The following RABGAP1L variants were observed in gnomAD, a reference collection of about 807,000 sequenced individuals.
The protein encoded by RABGAP1L is RAB GTPase activating protein 1 like.
RABGAP1L carries 63 observed loss-of-function variants against 137.7 expected under a neutral mutation model. That is an observed-to-expected ratio of 0.46 (90% CI 0.37 to 0.56). RABGAP1L has a LOEUF of 0.56. RABGAP1L is among the 20% of genes least tolerant of loss of function. The pLI is 0.00. For synonymous variants in RABGAP1L, 431 were observed against 433.7 expected (o/e 0.99, Z 0.08); for missense variants, 1,095 against 1,244.0 (o/e 0.88, Z 1.80).
chr1:174,349,496 G>A (rs1158512176), intron 11 of RABGAP1L, among the ~76,000 whole-genome samples: 9 of 130,336 alleles, frequency 6.9e-5, no homozygotes, highest in Non-Finnish European at 1.3e-4. Context: ...GCGGCTGGCC[G>A]GGCAGAGGGG....
At chr1:174,356,239 A>G (rs561360506) in intron 11 of RABGAP1L, among the ~76,000 whole-genome samples, 3 of 152,046 alleles carry the variant, frequency 2.0e-5, no homozygotes, top group Non-Finnish European at 4.4e-5. Flanking sequence ...GTGTGGTTAG[A>G]GGAAAGTTTA....
At chr1:174,858,784 G>A (rs1056099395) in intron 19 of RABGAP1L, among the ~76,000 whole-genome samples, 11 of 151,780 alleles carry the variant, frequency 7.2e-5, no homozygotes, top group South Asian at 4.1e-4. Context: ...TATTACTACA[G>A]GAAAACAAAA....
intron 13 of RABGAP1L, among the ~76,000 whole-genome samples, chr1:174,427,998 CT>C (rs1028328315): frequency 5.9e-5 from 9 of 152,100 alleles, no homozygotes; most frequent in African/African-American, 2.2e-4. Context: ...GCAGTACGGT[CT>C]TTTTGATCTT....
At chr1:174,383,517 G>T (rs902269338) in intron 12 of RABGAP1L, among the ~76,000 whole-genome samples, 4 of 152,108 alleles carry the variant, frequency 2.6e-5, no homozygotes, top group Non-Finnish European at 5.9e-5. Flanking sequence ...AGCCGGTCTG[G>T]AAAGGGCAAT....
At chr1:174,649,286 T>G (rs2148382676) in intron 14 of RABGAP1L, among the ~76,000 whole-genome samples, 1 of 152,294 alleles carries the variant, frequency 6.6e-6, no homozygotes, top group South Asian at 2.1e-4. Context: ...ATGCAGCATT[T>G]TCATAGTGTT....
At chr1:174,616,521 C>A (rs376522121) in intron 13 of RABGAP1L, among the ~76,000 whole-genome samples, 1 of 152,108 alleles carries the variant, frequency 6.6e-6, no homozygotes, top group Admixed American at 6.6e-5. Context: ...TGGTCATGGT[C>A]GACCTAGAGG....
chr1:174,342,978 A>T (rs1333303475), intron 11 of RABGAP1L, among the ~76,000 whole-genome samples: 2 of 116,752 alleles, frequency 1.7e-5, no homozygotes, highest in African/African-American at 6.2e-5. Context: ...ACCTCAGGTG[A>T]TCTGCCTGCC....
chr1:174,965,105 A>G, intron 20 of RABGAP1L: 1 of 674,436 alleles, frequency 1.5e-6, no homozygotes, highest in Non-Finnish European at 2.5e-6. Flanking sequence ...TCTCCTATCC[A>G]TAAGGGGTGA....
intron 19 of RABGAP1L, among the ~76,000 whole-genome samples, chr1:174,891,803 C>T (rs1656189214): frequency 6.6e-6 from 1 of 152,166 alleles, no homozygotes; most frequent in Non-Finnish European, 1.5e-5. Context: ...CCACACTCAG[C>T]CTTTTCTTGG....
Position 174,305,140 on chromosome 1 carries a change from A to T in RABGAP1L, c.1465+13A>T. 6 of 1,517,518 alleles carry T rather than the reference A, an allele frequency of 4.0e-6. No individual in the cohort carries two copies. The highest frequency in any genetic ancestry group is 5.2e-6 in the Non-Finnish European group (6 of 1,144,372). 94.0% of individuals were successfully genotyped at this position (1,517,518 alleles called of 1,614,324 possible). The stretch of plus-strand genomic sequence containing the variant: ...GAAGCAGAAGAGGGTAAGAAGTTGG[A>T]CTTACTCAGTTTATTCTGTCTGTAT... On this transcript the variant is annotated intron_variant, in intron 11 of 25. Transcript: ENST00000681986.
chr1:174,560,210 T>A (rs1667121976), intron 13 of RABGAP1L, among the ~76,000 whole-genome samples: 1 of 152,222 alleles, frequency 6.6e-6, no homozygotes, highest in African/African-American at 2.4e-5. Context: ...TTTGGGTTTC[T>A]GTGTCAAGAA....
At chr1:174,327,984 C>CATATATATATATATATATATATAT (rs1314813386) in intron 11 of RABGAP1L, among the ~76,000 whole-genome samples, 2 of 37,876 alleles carry the variant, frequency 5.3e-5, no homozygotes, top group African/African-American at 2.2e-4. Context: ...TATATACACA[C>CATATATATATATATATATATATAT]ACATATATAT....
At chr1:174,930,605 C>A (rs1231659418) in intron 19 of RABGAP1L, among the ~76,000 whole-genome samples, 1 of 152,224 alleles carries the variant, frequency 6.6e-6, no homozygotes, top group Non-Finnish European at 1.5e-5. Flanking sequence ...GCATGAGCCA[C>A]TGCGCCCAGC....
chr1:174,733,224 A>G (rs1682656692), intron 17 of RABGAP1L, among the ~76,000 whole-genome samples: 2 of 152,178 alleles, frequency 1.3e-5, no homozygotes, highest in African/African-American at 2.4e-5. Flanking sequence ...TTACCTAGAT[A>G]TCTCTAGATC....
intron 19 of RABGAP1L, among the ~76,000 whole-genome samples, chr1:174,861,812 C>G (rs1255249053): frequency 1.3e-5 from 2 of 151,984 alleles, no homozygotes; most frequent in Non-Finnish European, 2.9e-5. Flanking sequence ...TGGTGTTTTG[C>G]TGTTGAGTTA....
At chr1:174,201,378 A>G (rs1057125789) in intron 1 of RABGAP1L, among the ~76,000 whole-genome samples, 2 of 150,332 alleles carry the variant, frequency 1.3e-5, no homozygotes, top group African/African-American at 4.9e-5. Flanking sequence ...TGTTTGTTTT[A>G]GTAGAGATGG....
chr1:174,769,033 T>C (rs1008845637), intron 18 of RABGAP1L, among the ~76,000 whole-genome samples: 16 of 152,168 alleles, frequency 1.1e-4, no homozygotes, highest in African/African-American at 3.4e-4. Flanking sequence ...ACCACCATTG[T>C]CACTGTAACC....
chr1:174,311,443 C>T (rs982579506), intron 11 of RABGAP1L, among the ~76,000 whole-genome samples: 14 of 152,080 alleles, frequency 9.2e-5, no homozygotes, highest in African/African-American at 2.4e-4. Flanking sequence ...AAAGCCTAAC[C>T]GTATCATCAT....
chr1:174,766,579 C>T (rs1212790106), intron 18 of RABGAP1L, among the ~76,000 whole-genome samples: 1 of 152,176 alleles, frequency 6.6e-6, no homozygotes, highest in Non-Finnish European at 1.5e-5. Context: ...TTCCAGGTCC[C>T]TTGCATTTTC....
Sources: allele counts gnomAD v4.1 joint callset (sites outside exome capture counted in the v4.1 genomes callset), GRCh38; gene constraint gnomAD v4.1.1; transcripts MANE v1.5; gene names NCBI Gene and HGNC (gene_info 2026-07-23, HGNC 2026-07-21).